The following PLCXD3 variants were observed in gnomAD, a reference collection of about 807,000 sequenced individuals.
PLCXD3 encodes PI-PLC X domain-containing protein 3.
In PLCXD3, 19 loss-of-function variants were observed where a neutral mutation model predicts 25.5. The ratio of observed to expected loss-of-function variants is 0.75; its 90% CI spans 0.52 to 1.09. The LOEUF (loss-of-function observed/expected upper bound fraction) is 1.09. PLCXD3 is among the 50% of genes least tolerant of loss of function. The probability of loss-of-function intolerance (pLI) is 0.00; values close to 1 mark genes in which losing one functional copy is unlikely to be tolerated. For missense variants in PLCXD3, 411 were observed against 388.1 expected (o/e 1.06, Z -0.50); for synonymous variants, 174 against 137.6 (o/e 1.26, Z -1.85).
At chr5:41,479,395 T>TG (rs1748347551) in intron 1 of PLCXD3, among the ~76,000 whole-genome samples, 1 of 152,064 alleles carries the variant, frequency 6.6e-6, no homozygotes, top group Admixed American at 6.6e-5. Flanking sequence ...GATGAAAAAA[T>TG]TCTTGAGATA....
chr5:41,368,955 A>T (rs576735165), intron 2 of PLCXD3, among the ~76,000 whole-genome samples: 108 of 152,280 alleles, frequency 7.1e-4, no homozygotes, highest in African/African-American at 2.5e-3. Flanking sequence ...ATGGTTTACG[A>T]TATTGAAAAG....
At chr5:41,500,098 T>A (rs1022343192) in intron 1 of PLCXD3, among the ~76,000 whole-genome samples, 4 of 151,766 alleles carry the variant, frequency 2.6e-5, no homozygotes, top group Admixed American at 2.6e-4. Flanking sequence ...ATTCAATACA[T>A]CAAAAAAACA....
chr5:41,495,800 G>T (rs1580402974), intron 1 of PLCXD3, among the ~76,000 whole-genome samples: 1 of 152,016 alleles, frequency 6.6e-6, no homozygotes, highest in South Asian at 2.1e-4. Flanking sequence ...GATTATGAGA[G>T]GTGGATTTTT....
intron 1 of PLCXD3, among the ~76,000 whole-genome samples, chr5:41,392,515 C>T (rs1480985807): frequency 6.6e-6 from 1 of 152,140 alleles, no homozygotes; most frequent in Non-Finnish European, 1.5e-5. Flanking sequence ...TTGGGGTGCT[C>T]CCTAAAGCAG....
At position 41,309,146 on chromosome 5, in the gene PLCXD3, C is replaced by CT. The variant is rs1314855635; in HGVS notation, c.*4470dup. On this transcript the variant is annotated 3_prime_UTR_variant, in exon 3 of 3. Coordinates refer to ENST00000377801, the MANE Select transcript of PLCXD3 (RefSeq NM_001005473.3). ...CACACATACCACATACAAGCACATA[C>CT]TTTTGACTCATACAAATATACGTTT... 1 of 152,550 alleles carries CT rather than the reference C, an allele frequency of 6.6e-6. No homozygotes were observed. 9.4% of individuals were successfully genotyped at this position (152,550 alleles called of 1,614,324 possible).
intron 2 of PLCXD3, among the ~76,000 whole-genome samples, chr5:41,347,353 CACTT>C (rs1226147290): frequency 6.6e-6 from 1 of 152,174 alleles, no homozygotes; most frequent in Non-Finnish European, 1.5e-5. Flanking sequence ...CAAGGCTTGT[CACTT>C]AGTAGATTTG....
intron 1 of PLCXD3, among the ~76,000 whole-genome samples, chr5:41,421,343 G>A (rs1489297858): frequency 6.6e-6 from 1 of 152,134 alleles, no homozygotes; most frequent in African/African-American, 2.4e-5. Flanking sequence ...TAGGGTCCAT[G>A]AATTATATTT....
chr5:41,448,433 A>G (rs1472981319), intron 1 of PLCXD3, among the ~76,000 whole-genome samples: 2 of 152,238 alleles, frequency 1.3e-5, no homozygotes, highest in Non-Finnish European at 2.9e-5. Context: ...ATTGGTGCCA[A>G]TTAGGTTTTC....
intron 1 of PLCXD3, among the ~76,000 whole-genome samples, chr5:41,446,750 A>ATG (rs1309217654): frequency 6.6e-6 from 1 of 152,118 alleles, no homozygotes; most frequent in Non-Finnish European, 1.5e-5. Flanking sequence ...CCAGGGGTGT[A>ATG]TGGCAGTGCA....
chr5:41,400,972 C>G (rs1288329685), intron 1 of PLCXD3, among the ~76,000 whole-genome samples: 1 of 149,540 alleles, frequency 6.7e-6, no homozygotes, highest in Non-Finnish European at 1.5e-5. Context: ...ATCTACATAC[C>G]TATTATGTAC....
intron 1 of PLCXD3, among the ~76,000 whole-genome samples, chr5:41,422,764 T>C (rs1277440748): frequency 6.6e-6 from 1 of 152,238 alleles, no homozygotes; most frequent in Non-Finnish European, 1.5e-5. Context: ...CTTCGTTTGC[T>C]ATAAAAGTGG....
chr5:41,493,259 C>G (rs1474280982), intron 1 of PLCXD3, among the ~76,000 whole-genome samples: 1 of 152,140 alleles, frequency 6.6e-6, no homozygotes, highest in East Asian at 1.9e-4. Context: ...TTTCATGAAC[C>G]GCGAATGCTG....
intron 1 of PLCXD3, among the ~76,000 whole-genome samples, chr5:41,440,862 A>G (rs1449443050): frequency 2.0e-5 from 3 of 152,180 alleles, no homozygotes; most frequent in African/African-American, 7.2e-5. Context: ...TATTTCAACA[A>G]GTGCAGTTGT....
At chr5:41,474,547 G>C (rs947082172) in intron 1 of PLCXD3, among the ~76,000 whole-genome samples, 2 of 152,202 alleles carry the variant, frequency 1.3e-5, no homozygotes, top group Non-Finnish European at 2.9e-5. Context: ...AATTTGTACG[G>C]TACAGGTGGG....
At chr5:41,320,742 C>T (rs559739250) in intron 2 of PLCXD3, among the ~76,000 whole-genome samples, 32 of 152,278 alleles carry the variant, frequency 2.1e-4, no homozygotes, top group Admixed American at 1.6e-3. Context: ...GTGATCCGTC[C>T]GCCTCGGCCT....
chr5:41,465,241 T>C (rs1218786761), intron 1 of PLCXD3, among the ~76,000 whole-genome samples: 5 of 151,626 alleles, frequency 3.3e-5, no homozygotes, highest in Non-Finnish European at 7.4e-5. Context: ...AAATCCACAG[T>C]AGTTTCATGG....
intron 1 of PLCXD3, among the ~76,000 whole-genome samples, chr5:41,481,093 C>T (rs7736824): frequency 0.018 from 2,008 of 113,028 alleles, 60 homozygotes; most frequent in African/African-American, 0.064. Context: ...ATAATGAAGA[C>T]CTAATTTGTA....
At chr5:41,469,647 G>T (rs543454863) in intron 1 of PLCXD3, among the ~76,000 whole-genome samples, 38 of 152,068 alleles carry the variant, frequency 2.5e-4, no homozygotes, top group African/African-American at 9.2e-4. Context: ...ATCTATAATT[G>T]TTTGTAGTAG....
rs549705554 is a variant in PLCXD3 at position 41,443,912 on chromosome 5, C to G, written c.104-61378G>C. Among the ~76,000 whole-genome samples, 4 of 152,220 alleles carry G rather than the reference C, an allele frequency of 2.6e-5. No homozygotes were observed. The South Asian group carries it at 8.3e-4, about 32-fold the overall frequency. ...TTTTAGTTTTTCTTTTAATCCTGCT[C>G]TATGTAGATACTTTCCCTGAGCTAT... On this transcript the variant is annotated intron_variant, in intron 1 of 2. Transcript: ENST00000377801.
Sources: allele counts gnomAD v4.1 joint callset (sites outside exome capture counted in the v4.1 genomes callset), GRCh38; gene constraint gnomAD v4.1.1; transcripts MANE v1.5; gene names NCBI Gene and HGNC (gene_info 2026-07-23, HGNC 2026-07-21).